The following CRLF1 variants were observed in gnomAD, a reference collection of about 807,000 sequenced individuals.
The protein encoded by CRLF1 is cytokine receptor-like factor 1.
In CRLF1, 36 loss-of-function variants were observed where a neutral mutation model predicts 48.9. The observed-to-expected ratio is 0.74, with a 90% CI of 0.56 to 0.97. The LOEUF (loss-of-function observed/expected upper bound fraction) is 0.97, where lower values mean the gene tolerates loss of function less well. CRLF1 is among the 50% of genes least tolerant of loss of function. CRLF1 has a pLI of 0.00. For missense variants in CRLF1, 534 were observed against 575.1 expected (o/e 0.93, Z 0.73); for synonymous variants, 256 against 253.4 (o/e 1.01, Z -0.10).
At chr19:18,593,822 T>C (rs1976089063) in intron 8 of CRLF1, 2 of 985,456 alleles carry the variant, frequency 2.0e-6, no homozygotes, top group African/African-American at 3.5e-5. Context: ...GTTCATTCAT[T>C]TCGGAGGAGA....
chr19:18,599,674 C>T lies in CRLF1; in HGVS notation c.288G>A (p.Leu96=), dbSNP rs371298845. ...CATTGAGGTTGGCCAGGGCCAGAGCCAAGGTGGAGGCGTTGAGTACACGGG... is the reference window on the plus strand; with the variant it reads ...CATTGAGGTTGGCCAGGGCCAGAGCTAAGGTGGAGGCGTTGAGTACACGGG... ...ELSRVLNAST[L]ALALANLNGS... is the part of the protein sequence containing the mutation. Residue 96 remains leucine, a synonymous_variant, in exon 2 of 9, where the codon TTG becomes TTA. Transcript: ENST00000392386. 229 of 1,613,104 alleles carry T rather than the reference C, an allele frequency of 1.4e-4. No homozygotes were observed. The highest frequency in any genetic ancestry group is 1.9e-4 in the Non-Finnish European group (222 of 1,179,816).
Position 18,593,243 on chromosome 19 carries a change from A to T in CRLF1, c.*323T>A, listed in dbSNP as rs1600647530. On this transcript the variant is annotated 3_prime_UTR_variant, in exon 9 of 9. Transcript: ENST00000392386. ...ACTCACCTTCACAATCACAGCACCT[A>T]AATAGCTCATTTATTTAAAAGGACT... 2.8e-6 allele frequency: 1 copy of T among 357,900 alleles called. No individual in the cohort carries two copies. The highest frequency in any genetic ancestry group is 2.1e-5 in the African/African-American group (1 of 48,602). 22.2% of individuals were successfully genotyped at this position (357,900 alleles called of 1,614,324 possible).
rs552822018 is a variant in CRLF1, at chr19:18,595,981, G to T, written c.1024+641C>A. On this transcript the variant is annotated intron_variant, in intron 6 of 8. Transcript: ENST00000392386. ...TGAGTGGCCAAAACAGACCAGATGG[G>T]GATGGGCAAATGGAGAGTGAGGGTC... is the stretch of plus-strand genomic sequence containing the variant. 1.7e-4 allele frequency among the ~76,000 whole-genome samples: 26 copies of T among 152,318 alleles called. No homozygotes were observed. In the East Asian group the frequency reaches 5.0e-3, roughly 29 times the overall value.
Position 18,606,651 on chromosome 19 carries a change from G to T in CRLF1, c.6C>A (p.Pro2=). Reference sequence around the variant, plus strand: ...GGGCGGCGGGGCCCCGGCGGCCGGCGGGCATGGGGCCGGCGCTGCCGGGGG... The same window carrying T: ...GGGCGGCGGGGCCCCGGCGGCCGGCTGGCATGGGGCCGGCGCTGCCGGGGG... M[P]AGRRGPAAQS... The change falls in exon 1 of 9, where the codon CCC becomes CCA. Residue 2 remains proline, a synonymous_variant. Coordinates refer to ENST00000392386, the MANE Select transcript of CRLF1 (RefSeq NM_004750.5). This position sits in a 1 kb window ranked among gnomAD's most constrained non-coding sequence, Gnocchi z 4.8. 5 of 812,682 alleles carry T rather than the reference G, an allele frequency of 6.2e-6. No individual in the cohort carries two copies. Among genetic ancestry groups the T allele is most frequent in the Non-Finnish European group, 7.4e-6 (5 of 674,080 alleles). 50.3% of individuals were successfully genotyped at this position (812,682 alleles called of 1,614,324 possible).
intron 3 of CRLF1, 62 bp from the exon 4 acceptor site, chr19:18,598,663 T>C: frequency 6.2e-7 from 1 of 1,613,680 alleles, no homozygotes; most frequent in Non-Finnish European, 8.5e-7. Flanking sequence ...GACCTCACCA[T>C]GGCAGCCTCA....
chr19:18,594,367 C>T lies in CRLF1; in HGVS notation c.1092G>A (p.Arg364=), dbSNP rs201943206. ...AGCCCAGGAACTGCTTGAGCTCGCG[C>T]CGCACCGGCCCCGAGCTCGGCTCTC... is the stretch of plus-strand genomic sequence containing the variant. ...RGGEPSSGPV[R]RELKQFLGWL... is the part of the protein sequence containing the mutation. Residue 364 remains arginine (R), a synonymous_variant, in exon 7 of 9, where the codon CGG becomes CGA. Transcript: ENST00000392386. The T allele has an allele frequency of 3.7e-4, 601 of 1,608,466 alleles. 3 individuals carry two copies. The Middle Eastern group carries it at 3.8e-3, about 10-fold the overall frequency.
intron 1 of CRLF1, among the ~76,000 whole-genome samples, chr19:18,605,590 G>A (rs910487284): frequency 6.6e-6 from 1 of 152,238 alleles, no homozygotes; most frequent in African/African-American, 2.4e-5. Context: ...GATGGTGCGC[G>A]AATGTGCACC....
intron 8 of CRLF1, 35 bp downstream of exon 8, chr19:18,594,030 G>GCGGGGGGGGGCCCCC: frequency 7.6e-7 from 1 of 1,315,310 alleles, no homozygotes. Flanking sequence ...CCCTCCCCTT[G>GCGGGGGGGGGCCCCC]CTCCCTCCCG....
intron 1 of CRLF1, among the ~76,000 whole-genome samples, chr19:18,605,337 C>A (rs1272413208): frequency 6.6e-6 from 1 of 152,192 alleles, no homozygotes; most frequent in African/African-American, 2.4e-5. Context: ...GATGCCCGGA[C>A]CCTGCCCCTT....
rs763606003 is a variant in CRLF1 at position 18,599,636 on chromosome 19, C to CGCT, written c.323_325dup (p.Gln108dup). ...GTGGCACACGAGGTTGTCCCCCGACCGCTGCCTGGACCCATTGAGGTTGGC... is the reference window on the plus strand; with the variant it reads ...GTGGCACACGAGGTTGTCCCCCGACCGCTGCTGCCTGGACCCATTGAGGTTGGC... On this transcript the variant is annotated inframe_insertion, in exon 2 of 9. Coordinates refer to ENST00000392386, the MANE Select transcript of CRLF1 (RefSeq NM_004750.5). 2 of 1,613,492 alleles carry CGCT rather than the reference C, an allele frequency of 1.2e-6. No homozygotes were observed. Among genetic ancestry groups the CGCT allele is most frequent in the East Asian group, 4.5e-5 (2 of 44,886 alleles).
intron 8 of CRLF1, 26 bp downstream of exon 8, chr19:18,594,036 TCCC>T: frequency 2.2e-5 from 9 of 402,560 alleles, no homozygotes; most frequent in Non-Finnish European, 4.0e-5. Context: ...CCTTGCTCCC[TCCC>T]GCCCACCCAT....
At chr19:18,594,202 A>G in intron 7 of CRLF1, 45 bp downstream of exon 7, 1 of 1,316,490 alleles carries the variant, frequency 7.6e-7, no homozygotes, top group Non-Finnish European at 1.0e-6. Context: ...GGGCCCCCCC[A>G]GCTCCCTGTC....
At chr19:18,604,840 TAA>T (rs1976268603) in intron 1 of CRLF1, among the ~76,000 whole-genome samples, 1 of 152,170 alleles carries the variant, frequency 6.6e-6, no homozygotes, top group Non-Finnish European at 1.5e-5. Flanking sequence ...CTGGGGCCTT[TAA>T]AAGTTTTTTC....
At chr19:18,600,181 C>T (rs549906496) in intron 1 of CRLF1, among the ~76,000 whole-genome samples, 1 of 152,288 alleles carries the variant, frequency 6.6e-6, no homozygotes, top group Non-Finnish European at 1.5e-5. Context: ...CTTAGCACAT[C>T]GTTATGACAA....
chr19:18,601,112 A>AT (rs1302384016), intron 1 of CRLF1, among the ~76,000 whole-genome samples: 17 of 151,926 alleles, frequency 1.1e-4, no homozygotes, highest in Non-Finnish European at 2.5e-4. Flanking sequence ...AGCCTTCTTT[A>AT]TTTTTCATTC....
chr19:18,596,319 A>C (rs769474773), intron 6 of CRLF1, among the ~76,000 whole-genome samples: 15 of 152,094 alleles, frequency 9.9e-5, no homozygotes, highest in Admixed American at 1.3e-4. Flanking sequence ...TGGGCAGATC[A>C]CCCGAGGTCA....
At chr19:18,597,431 CTTT>C (rs765610119) in intron 4 of CRLF1, among the ~76,000 whole-genome samples, 1 of 81,642 alleles carries the variant, frequency 1.2e-5, no homozygotes, top group African/African-American at 6.5e-5. Flanking sequence ...CCCTTCCACT[CTTT>C]TTTTTTTTTT....
In CRLF1 at chr19:18,598,435, C is replaced by G. The variant is rs1310022764; in HGVS notation, c.694G>C (p.Val232Leu). The G allele has an allele frequency of 1.7e-5, 28 of 1,612,320 alleles. No homozygotes were observed. Among genetic ancestry groups the G allele is most frequent in the Non-Finnish European group, 2.4e-5 (28 of 1,178,888 alleles). The stretch of plus-strand genomic sequence containing the variant: ...CTAGCAGACACTGGGGGCTCACCCA[C>G]ATCCAGGATATCCAGCGTGAGTACA... ...SDVLTLDILD[V>L]VTTDPPPDVH... Residue 232 changes from valine to leucine, a missense_variant, in exon 4 of 9, where the codon GTG becomes CTG. Val to Leu is a conservative substitution (Grantham distance 32, BLOSUM62 1). Transcript: ENST00000392386.
At chr19:18,599,321 G>A (rs533366543) in intron 2 of CRLF1, among the ~76,000 whole-genome samples, 4 of 152,254 alleles carry the variant, frequency 2.6e-5, no homozygotes, top group South Asian at 4.1e-4. Context: ...GGCCAGCCTG[G>A]CCTCGAACTC....
Sources: gnomAD v4.1 joint callset for allele counts (sites outside exome capture counted in the v4.1 genomes callset) on GRCh38, gnomAD v4.1.1 for gene constraint, Gnocchi (gnomAD v3.1) non-coding constraint, MANE v1.5 for transcripts, NCBI Gene and HGNC (gene_info 2026-07-23, HGNC 2026-07-21) for gene names.